The following MAF variants were observed in gnomAD, a reference collection of about 807,000 sequenced individuals.
The protein encoded by MAF is MAF bZIP transcription factor.
MAF carries 10 observed loss-of-function variants against 22.0 expected under a neutral mutation model. The ratio of observed to expected loss-of-function variants is 0.45; its 90% CI spans 0.28 to 0.77. The LOEUF is 0.77. MAF is among the 30% of genes least tolerant of loss of function. MAF has a pLI of 0.12. For missense variants in MAF, 544 were observed against 548.4 expected (o/e 0.99, Z 0.08); for synonymous variants, 337 against 255.8 (o/e 1.32, Z -3.03).
chr16:79,440,941 G>T, the MAF span, among the ~76,000 whole-genome samples: 1 of 152,328 alleles, frequency 6.6e-6, no homozygotes, highest in South Asian at 2.1e-4. Flanking sequence ...GTAGCTTTTG[G>T]TAAATGCTTG....
chr16:79,371,474 C>T, the MAF span, among the ~76,000 whole-genome samples: 1 of 152,164 alleles, frequency 6.6e-6, no homozygotes, highest in Non-Finnish European at 1.5e-5. Context: ...AATACATCCA[C>T]TTTCTCGAAT....
the MAF span, among the ~76,000 whole-genome samples, chr16:79,276,844 G>A: frequency 1.3e-5 from 2 of 152,018 alleles, no homozygotes; most frequent in African/African-American, 2.4e-5. Flanking sequence ...GTCTAAAATC[G>A]AGGTGTCGGC....
chr16:79,526,431 A>G, the MAF span, among the ~76,000 whole-genome samples: 4 of 152,284 alleles, frequency 2.6e-5, no homozygotes, highest in South Asian at 8.3e-4. Context: ...GAGTGGCTGT[A>G]TATACACGTG....
At chr16:79,277,319 G>C in the MAF span, among the ~76,000 whole-genome samples, 4 of 152,234 alleles carry the variant, frequency 2.6e-5, no homozygotes, top group East Asian at 7.7e-4. Flanking sequence ...ACTTTTGGGG[G>C]GTGCCCATTC....
At chr16:79,301,210 A>G in the MAF span, among the ~76,000 whole-genome samples, 8 of 152,132 alleles carry the variant, frequency 5.3e-5, no homozygotes, top group Non-Finnish European at 1.2e-4. Context: ...TGCATGAAGG[A>G]CACCCCACAG....
chr16:79,427,128 T>C, the MAF span, among the ~76,000 whole-genome samples: 1 of 152,216 alleles, frequency 6.6e-6, no homozygotes, highest in Non-Finnish European at 1.5e-5. Context: ...AGTAGGAAAC[T>C]CTTAGGAAAT....
chr16:79,336,529 C>T, the MAF span, among the ~76,000 whole-genome samples: 1 of 152,206 alleles, frequency 6.6e-6, no homozygotes, highest in South Asian at 2.1e-4. Context: ...ATACTCAACA[C>T]ATTTAGCTTC....
the MAF span, among the ~76,000 whole-genome samples, chr16:79,277,437 G>A: frequency 6.6e-6 from 1 of 152,160 alleles, no homozygotes; most frequent in African/African-American, 2.4e-5. Flanking sequence ...TGGAATTGCT[G>A]CATCTGTAGG....
the MAF span, among the ~76,000 whole-genome samples, chr16:79,518,113 G>A: frequency 0.83 from 126,846 of 152,258 alleles, 53,149 homozygotes; most frequent in East Asian, 0.91. Context: ...TCTCTCAACC[G>A]TGCTATGACA....
chr16:79,333,847 A>G, the MAF span, among the ~76,000 whole-genome samples: 1 of 152,210 alleles, frequency 6.6e-6, no homozygotes, highest in Non-Finnish European at 1.5e-5. Flanking sequence ...ACGGAAACCT[A>G]TCTGATGCCG....
chr16:79,487,712 T>A, the MAF span, among the ~76,000 whole-genome samples: 1 of 152,212 alleles, frequency 6.6e-6, no homozygotes, highest in Non-Finnish European at 1.5e-5. Flanking sequence ...GATGGCTCAC[T>A]GTCCACATAG....
chr16:79,379,420 C>G, the MAF span, among the ~76,000 whole-genome samples: 3 of 152,022 alleles, frequency 2.0e-5, no homozygotes, highest in South Asian at 4.2e-4. Flanking sequence ...GTGGAACTAT[C>G]TTATAAAAGT....
the MAF span, chr16:79,206,195 C>T: frequency 6.6e-6 from 1 of 152,156 alleles, no homozygotes. Flanking sequence ...CATTTTAGGC[C>T]ATGTTAGGGC....
the MAF span, among the ~76,000 whole-genome samples, chr16:79,425,054 T>C: frequency 6.6e-6 from 1 of 152,210 alleles, no homozygotes; most frequent in African/African-American, 2.4e-5. Flanking sequence ...AAACATACTC[T>C]ACACAATTTT....
chr16:79,321,041 C>T, the MAF span, among the ~76,000 whole-genome samples: 1 of 152,182 alleles, frequency 6.6e-6, no homozygotes, highest in East Asian at 1.9e-4. Context: ...ATCTCTTTTG[C>T]TCACTCACAC....
the MAF span, among the ~76,000 whole-genome samples, chr16:79,286,046 A>G: frequency 6.6e-6 from 1 of 152,198 alleles, no homozygotes; most frequent in Non-Finnish European, 1.5e-5. Context: ...AGAGGAAATG[A>G]TAACAGTTCC....
the MAF span, among the ~76,000 whole-genome samples, chr16:79,580,299 G>T: frequency 6.6e-6 from 1 of 152,252 alleles, no homozygotes; most frequent in Middle Eastern, 3.4e-3. Context: ...CCTTAGACTA[G>T]GGTCTTGTCA....
At chr16:79,513,289 T>C in the MAF span, among the ~76,000 whole-genome samples, 1 of 152,236 alleles carries the variant, frequency 6.6e-6, no homozygotes, top group East Asian at 1.9e-4. Context: ...AGAAACATGA[T>C]TTTTAATTCT....
At chr16:79,410,984 G>A in the MAF span, among the ~76,000 whole-genome samples, 1 of 152,128 alleles carries the variant, frequency 6.6e-6, no homozygotes, top group Non-Finnish European at 1.5e-5. Flanking sequence ...CTTAGATATC[G>A]GTCTTAGGGA....
Sources: gnomAD v4.1 joint callset for allele counts (sites outside exome capture counted in the v4.1 genomes callset) on GRCh38, gnomAD v4.1.1 for gene constraint, MANE v1.5 for transcripts, NCBI Gene and HGNC (gene_info 2026-07-23, HGNC 2026-07-21) for gene names.